Variants in DPP10 observed in about 807,000 individuals in gnomAD.
DPP10 encodes inactive dipeptidyl peptidase 10.
In DPP10, 33 loss-of-function variants were observed where a neutral mutation model predicts 120.9. The ratio of observed to expected loss-of-function variants is 0.27; its 90% CI spans 0.21 to 0.37. DPP10 has a LOEUF of 0.37. Among genes scored for constraint, DPP10 ranks in the 10% least tolerant of loss-of-function variants. The pLI, the probability that DPP10 is intolerant of heterozygous loss-of-function variation, is 1.00. For missense variants in DPP10, 816 were observed against 942.8 expected, an observed-to-expected ratio of 0.87 and a Z score of 1.76; for synonymous variants, 337 against 326.1, an observed-to-expected ratio of 1.03 and a Z score of -0.36.
intron 5 of DPP10, among the ~76,000 whole-genome samples, chr2:115,677,183 G>A (rs1400409210): frequency 6.6e-6 from 1 of 152,094 alleles, no homozygotes; most frequent in East Asian, 1.9e-4. Context: ...CTACAAGAAT[G>A]CTTAAGAAAG....
intron 1 of DPP10, among the ~76,000 whole-genome samples, chr2:114,633,660 C>T (rs944014620): frequency 1.3e-5 from 2 of 151,578 alleles, no homozygotes; most frequent in Non-Finnish European, 2.9e-5. Flanking sequence ...GTCACCCAGA[C>T]TAGAGTGCAA....
intron 1 of DPP10, among the ~76,000 whole-genome samples, chr2:115,189,763 C>T (rs986253260): frequency 1.3e-5 from 2 of 152,104 alleles, no homozygotes; most frequent in East Asian, 3.9e-4. Flanking sequence ...GTCTGCGCCC[C>T]AGCCCACAGA....
intron 5 of DPP10, among the ~76,000 whole-genome samples, chr2:115,620,343 T>C (rs62157863): frequency 0.015 from 2,250 of 152,316 alleles, 30 homozygotes; most frequent in Middle Eastern, 0.041. Flanking sequence ...ATTCAGAAAC[T>C]TGTAGCTGTC....
chr2:114,683,398 C>T (rs1699152006), intron 1 of DPP10, among the ~76,000 whole-genome samples: 1 of 151,816 alleles, frequency 6.6e-6, no homozygotes, highest in Admixed American at 6.6e-5. Context: ...CACCCAGGCC[C>T]ACTTTATTCC....
chr2:115,232,860 GTTA>G (rs924519642), intron 1 of DPP10, among the ~76,000 whole-genome samples: 21 of 152,224 alleles, frequency 1.4e-4, no homozygotes, highest in African/African-American at 4.3e-4. Context: ...TTCTGTGTAT[GTTA>G]TTATTATGTT....
At chr2:114,868,489 A>G (rs1690418335) in intron 1 of DPP10, among the ~76,000 whole-genome samples, 1 of 152,156 alleles carries the variant, frequency 6.6e-6, no homozygotes, top group Non-Finnish European at 1.5e-5. Context: ...CCTCCAATTC[A>G]GTGCATGATG....
At chr2:115,583,867 G>A (rs562206660) in intron 5 of DPP10, among the ~76,000 whole-genome samples, 1 of 152,338 alleles carries the variant, frequency 6.6e-6, no homozygotes, top group Non-Finnish European at 1.5e-5. Flanking sequence ...TACAGCAAAG[G>A]ATGAGGGTAG....
intron 1 of DPP10, among the ~76,000 whole-genome samples, chr2:115,256,692 C>A (rs1296258321): frequency 6.6e-6 from 1 of 152,184 alleles, no homozygotes; most frequent in Non-Finnish European, 1.5e-5. Flanking sequence ...TTGAGTCATG[C>A]AAATGTATTA....
chr2:115,399,846 G>A (rs1052893215), intron 3 of DPP10, among the ~76,000 whole-genome samples: 1 of 150,154 alleles, frequency 6.7e-6, no homozygotes, highest in African/African-American at 2.4e-5. Flanking sequence ...GTATTAGCTT[G>A]TACTTTCTTT....
chr2:114,495,365 T>C (rs1044368430), intron 1 of DPP10, among the ~76,000 whole-genome samples: 1 of 152,222 alleles, frequency 6.6e-6, no homozygotes, highest in Non-Finnish European at 1.5e-5. Context: ...CCCATCCCAG[T>C]TGACTAAAGT....
intron 1 of DPP10, among the ~76,000 whole-genome samples, chr2:115,074,186 A>T (rs1049063483): frequency 1.7e-4 from 26 of 151,988 alleles, no homozygotes; most frequent in Non-Finnish European, 3.4e-4. Flanking sequence ...TAACTTTTTT[A>T]AAATTTTTTT....
At chr2:115,508,641 A>G (rs1317308724) in intron 4 of DPP10, among the ~76,000 whole-genome samples, 2 of 152,210 alleles carry the variant, frequency 1.3e-5, no homozygotes, top group African/African-American at 2.4e-5. Context: ...TCAATGGCTC[A>G]CGCCTGTAAT....
chr2:114,945,339 C>T (rs1040738817), intron 1 of DPP10, among the ~76,000 whole-genome samples: 3 of 152,140 alleles, frequency 2.0e-5, no homozygotes, highest in African/African-American at 7.2e-5. Context: ...AAGTATGTAT[C>T]TGATAAGGGA....
chr2:115,623,476 A>G (rs1456504147), intron 5 of DPP10, among the ~76,000 whole-genome samples: 1 of 152,192 alleles, frequency 6.6e-6, no homozygotes, highest in African/African-American at 2.4e-5. Flanking sequence ...TATTTATTTA[A>G]CAAGTTATTA....
chr2:115,117,198 A>G (rs746786592), intron 1 of DPP10, among the ~76,000 whole-genome samples: 3 of 152,174 alleles, frequency 2.0e-5, no homozygotes, highest in Non-Finnish European at 4.4e-5. Flanking sequence ...CAGGACAAAG[A>G]GTAGATTATT....
chr2:115,639,722 T>A (rs2086627693), intron 5 of DPP10, among the ~76,000 whole-genome samples: 1 of 152,104 alleles, frequency 6.6e-6, no homozygotes, highest in South Asian at 2.1e-4. Flanking sequence ...TTCTGAAACC[T>A]CCTTGCAGAC....
At chr2:115,199,161 A>T (rs1314767176) in intron 1 of DPP10, among the ~76,000 whole-genome samples, 6 of 152,200 alleles carry the variant, frequency 3.9e-5, no homozygotes, top group African/African-American at 1.4e-4. Context: ...AAAACCTGTA[A>T]TTAAATTTTT....
At chr2:115,479,129 A>T (rs1217373214) in intron 3 of DPP10, among the ~76,000 whole-genome samples, 9 of 152,196 alleles carry the variant, frequency 5.9e-5, no homozygotes, top group Admixed American at 5.9e-4. Context: ...CATTATTCAC[A>T]AAAGCTAAAA....
chr2:115,379,821 A>T (rs1216338652), intron 3 of DPP10, among the ~76,000 whole-genome samples: 2 of 152,172 alleles, frequency 1.3e-5, no homozygotes, highest in African/African-American at 2.4e-5. Flanking sequence ...CCCAGTAGTC[A>T]TTCAGGAGCA....
Sources: allele counts gnomAD v4.1 joint callset (sites outside exome capture counted in the v4.1 genomes callset), GRCh38; gene constraint gnomAD v4.1.1; transcripts MANE v1.5; gene names NCBI Gene and HGNC (gene_info 2026-07-23, HGNC 2026-07-21).